SLC30A5: variants seen among roughly 807,000 people sequenced by gnomAD.
SLC30A5 encodes solute carrier family 30 member 5, also known as proton-coupled zinc antiporter SLC30A5.
A neutral mutation model predicts 79.6 loss-of-function variants in SLC30A5; 33 were observed. That is an observed-to-expected ratio of 0.41 (90% CI 0.31 to 0.55). SLC30A5 has a LOEUF of 0.55. SLC30A5 is among the 20% of genes least tolerant of loss of function. The pLI is 0.20. For missense variants in SLC30A5, 788 were observed against 928.1 expected (o/e 0.85, Z 1.96); for synonymous variants, 299 against 319.7 (o/e 0.94, Z 0.69).
At chr5:69,115,044 C>A (rs190033540) in intron 7 of SLC30A5, among the ~76,000 whole-genome samples, 193 bp from the exon 8 acceptor site, 52 of 146,524 alleles carry the variant, frequency 3.5e-4, no homozygotes, top group African/African-American at 1.2e-3. Flanking sequence ...ACAGGAGGAT[C>A]TCTTTGATCA....
chr5:69,096,413 G>A (rs1042117559), intron 1 of SLC30A5, among the ~76,000 whole-genome samples: 3 of 152,198 alleles, frequency 2.0e-5, no homozygotes, highest in Non-Finnish European at 2.9e-5. Context: ...GGGAAATGTG[G>A]TAAACAATCC....
At chr5:69,121,958 A>C in intron 13 of SLC30A5, 63 bp downstream of exon 13, 1 of 1,368,904 alleles carries the variant, frequency 7.3e-7, no homozygotes, top group Non-Finnish European at 1.0e-6. Context: ...CTCTGTGTTT[A>C]TTTGTATTAA....
At chr5:69,121,571 G>T in intron 12 of SLC30A5, 123 bp from the exon 13 acceptor site, 1 of 672,122 alleles carries the variant, frequency 1.5e-6, no homozygotes, top group South Asian at 2.7e-5. Flanking sequence ...ACTTAGTAAG[G>T]TTTTACTGTG....
Position 69,103,128 on chromosome 5 carries a change from G to T in SLC30A5, c.273G>T (p.Gln91His). The change falls in exon 3 of 16, where the codon CAG becomes CAT. Residue 91 changes from glutamine (Q) to histidine (H), a missense_variant and splice_region_variant. Physicochemically the swap from Gln to His is conservative, Grantham distance 24. Around this residue, in one of 3 missense-constraint regions of SLC30A5, gnomAD observed 626 missense variants for 755.5 expected, o/e 0.83. Coordinates refer to ENST00000396591, the MANE Select transcript of SLC30A5 (RefSeq NM_022902.5). ...CTGGGAAAACTATTACCAAACACCA[G>T]GTAAGATTTTTGCAGAATCTTTTAT... is the stretch of plus-strand genomic sequence containing the variant. ...FSSGKTITKH[Q>H]WIKIFKHAVA... 1 of 1,574,558 alleles carries T rather than the reference G, an allele frequency of 6.4e-7. No homozygotes were observed. The highest frequency in any genetic ancestry group is 8.7e-7 in the Non-Finnish European group (1 of 1,150,162).
In SLC30A5 at chr5:69,117,544, G is replaced by A; in HGVS notation, c.1439+148G>A. On this transcript the variant is annotated intron_variant, in intron 11 of 15. Coordinates refer to ENST00000396591, the MANE Select transcript of SLC30A5 (RefSeq NM_022902.5). ...TGAAGTAAATAAGGGGATGTGAATC[G>A]GGCATTTGATAAATACTGAATGGAA... 1.3e-5 allele frequency: 9 copies of A among 716,400 alleles called. No individual in the cohort carries two copies. In the South Asian group the frequency reaches 1.5e-4, roughly 12 times the overall value. 44.4% of individuals were successfully genotyped at this position (716,400 alleles called of 1,614,324 possible).
Position 69,115,979 on chromosome 5 carries a change from T to C in SLC30A5, c.837T>C (p.Phe279=). 1 of 1,614,120 alleles carries C rather than the reference T, an allele frequency of 6.2e-7. No homozygotes were observed. The highest frequency in any genetic ancestry group is 8.5e-7 in the Non-Finnish European group (1 of 1,179,996). ...SLIMPFATVI[F]FVMILDFYVD... ...TTATGCCTTTTGCAACGGTTATCTT[T>C]TTTGTCATGATCCTGGATTTCTACG... The change falls in exon 9 of 16, where the codon TTT becomes TTC. Residue 279 remains phenylalanine, a synonymous_variant. Transcript: ENST00000396591.
chr5:69,120,209 G>A (rs575122432), intron 12 of SLC30A5, among the ~76,000 whole-genome samples: 4 of 151,572 alleles, frequency 2.6e-5, no homozygotes, highest in East Asian at 1.9e-4. Flanking sequence ...AAATATTTAC[G>A]AGATGTACTA....
At chr5:69,118,464 C>A (rs2111983728) in intron 11 of SLC30A5, 35 bp from the exon 12 acceptor site, 2 of 1,564,738 alleles carry the variant, frequency 1.3e-6, no homozygotes, top group Admixed American at 1.9e-5. Context: ...AATATTTGTC[C>A]TTTTCCTTTT....
At chr5:69,096,008 G>A (rs911876412) in intron 1 of SLC30A5, among the ~76,000 whole-genome samples, 1 of 152,140 alleles carries the variant, frequency 6.6e-6, no homozygotes, top group African/African-American at 2.4e-5. Flanking sequence ...GGCAGAGGTT[G>A]CAGTGAGCCG....
At chr5:69,097,438 CCCTT>C (rs1745779458) in intron 1 of SLC30A5, among the ~76,000 whole-genome samples, 1 of 152,052 alleles carries the variant, frequency 6.6e-6, no homozygotes, top group Non-Finnish European at 1.5e-5. Flanking sequence ...TTCTTTCCTT[CCCTT>C]CCTTCATTCC....
chr5:69,115,835 T>C, intron 8 of SLC30A5, 91 bp from the exon 9 acceptor site: 2 of 1,107,192 alleles, frequency 1.8e-6, no homozygotes, highest in Non-Finnish European at 2.6e-6. Context: ...ATCATGCGAT[T>C]TTTATTTTTT....
intron 1 of SLC30A5, among the ~76,000 whole-genome samples, chr5:69,095,102 C>G (rs776937089): frequency 2.6e-5 from 4 of 151,364 alleles, no homozygotes; most frequent in African/African-American, 4.9e-5. Flanking sequence ...TTAACGAGTT[C>G]TTCCCATTCT....
At chr5:69,115,064 G>A (rs1452631343) in intron 7 of SLC30A5, among the ~76,000 whole-genome samples, 173 bp from the exon 8 acceptor site, 2 of 146,884 alleles carry the variant, frequency 1.4e-5, no homozygotes, top group African/African-American at 5.1e-5. Flanking sequence ...ACAGGAGTTT[G>A]AGGCTGCAGT....
At chr5:69,103,851 T>G (rs1450185560) in intron 3 of SLC30A5, 19 of 843,102 alleles carry the variant, frequency 2.3e-5, no homozygotes, top group Non-Finnish European at 3.0e-5. Context: ...TGCGTCATAA[T>G]TTTTTTATTA....
At chr5:69,120,005 G>GCA (rs1292839337) in intron 12 of SLC30A5, among the ~76,000 whole-genome samples, 1 of 116,668 alleles carries the variant, frequency 8.6e-6, no homozygotes, top group Non-Finnish European at 1.7e-5. Flanking sequence ...GGGTGATAGA[G>GCA]AGACTCTGCC....
At chr5:69,100,592 G>C (rs934260184) in intron 1 of SLC30A5, among the ~76,000 whole-genome samples, 2 of 133,942 alleles carry the variant, frequency 1.5e-5, no homozygotes, top group South Asian at 2.5e-4. Flanking sequence ...GCAACACATT[G>C]AGACCCCGTC....
intron 4 of SLC30A5, among the ~76,000 whole-genome samples, chr5:69,106,048 T>C (rs529518756): frequency 2.0e-5 from 3 of 152,124 alleles, no homozygotes; most frequent in African/African-American, 4.8e-5. Flanking sequence ...CTCAGAATAG[T>C]GGGGTAGACA....
chr5:69,104,833 A>G (rs1746040903), intron 4 of SLC30A5, 117 bp downstream of exon 4: 1 of 1,019,362 alleles, frequency 9.8e-7, no homozygotes, highest in East Asian at 2.7e-5. Flanking sequence ...TAGCACTTTT[A>G]TAGCATCAGA....
At chr5:69,115,170 A>T in intron 7 of SLC30A5, 67 bp from the exon 8 acceptor site, 1 of 783,550 alleles carries the variant, frequency 1.3e-6, no homozygotes, top group South Asian at 2.1e-5. Flanking sequence ...AAAAAAGATC[A>T]TGTATTTAAC....
Sources: gnomAD v4.1 joint callset for allele counts (sites outside exome capture counted in the v4.1 genomes callset) on GRCh38, gnomAD v4.1.1 for gene constraint, gnomAD v4.1.1 regional missense constraint, MANE v1.5 for transcripts, NCBI Gene and HGNC (gene_info 2026-07-23, HGNC 2026-07-21) for gene names.